The following RAP1GAP2 variants were observed in gnomAD, a reference collection of about 807,000 sequenced individuals.
RAP1GAP2 encodes the protein rap1 GTPase-activating protein 2.
A neutral mutation model predicts 95.0 loss-of-function variants in RAP1GAP2; 27 were observed. The observed-to-expected ratio is 0.28, with a 90% CI of 0.21 to 0.39. The LOEUF (loss-of-function observed/expected upper bound fraction) is 0.39, where lower values mean the gene tolerates loss of function less well. RAP1GAP2 is among the 10% of genes least tolerant of loss of function. The probability of loss-of-function intolerance (pLI) is 1.00; values close to 1 mark genes in which losing one functional copy is unlikely to be tolerated. For synonymous variants in RAP1GAP2, 373 were observed against 380.9 expected (o/e 0.98, Z 0.24); for missense variants, 771 against 970.0 (o/e 0.79, Z 2.72).
In RAP1GAP2 at chr17:2,999,399, A is replaced by G. The variant is rs566253295; in HGVS notation, c.1200+1023A>G. Among the ~76,000 whole-genome samples, 3 of 152,314 alleles carry G rather than the reference A, an allele frequency of 2.0e-5. No individual in the cohort carries two copies. In the East Asian group the frequency reaches 5.8e-4, roughly 29 times the overall value. On this transcript the variant is annotated intron_variant, in intron 14 of 24. Coordinates refer to ENST00000254695, the MANE Select transcript of RAP1GAP2 (RefSeq NM_015085.5). ...ATGCTGAATTTGTGCCTTTCCTTGG[A>G]TTCCTGAAAAGAGAGGCCATACCTT...
At chr17:3,026,545 G>A (rs1350407201) in intron 21 of RAP1GAP2, 81 bp downstream of exon 21, 1 of 1,150,396 alleles carries the variant, frequency 8.7e-7, no homozygotes, top group Non-Finnish European at 1.2e-6. Context: ...CGGCACTGTG[G>A]ATCGAAGCCC....
chr17:2,843,061 G>C (rs1352070345), intron 2 of RAP1GAP2, among the ~76,000 whole-genome samples: 1 of 152,088 alleles, frequency 6.6e-6, no homozygotes, highest in Non-Finnish European at 1.5e-5. Context: ...ACATTCCACC[G>C]GGGGCTGGTG....
chr17:3,026,193 C>A, intron 20 of RAP1GAP2, 72 bp downstream of exon 20: 1 of 1,374,548 alleles, frequency 7.3e-7, no homozygotes, highest in Non-Finnish European at 1.0e-6. Flanking sequence ...TGCCTCCTGG[C>A]CAGCTGAGAG....
At chr17:2,763,303 A>C (rs2068217252) in intron 1 of RAP1GAP2, among the ~76,000 whole-genome samples, 1 of 152,068 alleles carries the variant, frequency 6.6e-6, no homozygotes, top group Non-Finnish European at 1.5e-5. Flanking sequence ...TGTTGTGGGG[A>C]TTTCAGAGAT....
rs533709902 is a variant in RAP1GAP2, at chr17:2,828,273, G to A, written c.80+27723G>A. Among the ~76,000 whole-genome samples, 53 of 152,152 alleles carry A rather than the reference G, an allele frequency of 3.5e-4. No individual in the cohort carries two copies. The South Asian group carries it at 4.8e-3, about 14-fold the overall frequency. Reference sequence around the variant, plus strand: ...GGAGAATCGCTTGAACCTGGGAGGCGGAGGTTGCAGTGAGCCGAGATCGCG... The same window carrying A: ...GGAGAATCGCTTGAACCTGGGAGGCAGAGGTTGCAGTGAGCCGAGATCGCG... On this transcript the variant is annotated intron_variant, in intron 2 of 24. Coordinates refer to ENST00000254695, the MANE Select transcript of RAP1GAP2 (RefSeq NM_015085.5).
intron 17 of RAP1GAP2, among the ~76,000 whole-genome samples, chr17:3,010,841 C>T (rs947760205): frequency 1.5e-4 from 23 of 152,116 alleles, no homozygotes; most frequent in African/African-American, 5.1e-4. Flanking sequence ...GAGGTAGCAC[C>T]GTGGGGCGTG....
intron 2 of RAP1GAP2, among the ~76,000 whole-genome samples, chr17:2,880,542 G>C (rs2073246857): frequency 6.7e-6 from 1 of 150,042 alleles, no homozygotes; most frequent in Admixed American, 6.7e-5. Context: ...GTGGCATCAA[G>C]TCCTGTTCAC....
At chr17:2,844,010 T>G (rs1348431183) in intron 2 of RAP1GAP2, among the ~76,000 whole-genome samples, 1 of 151,862 alleles carries the variant, frequency 6.6e-6, no homozygotes. Context: ...GCGCTTTTTT[T>G]TATTTTTATT....
rs1035196532 is a variant in RAP1GAP2, at chr17:2,963,624, T to G, written c.279+162T>G. On this transcript the variant is annotated intron_variant, in intron 6 of 24. Coordinates refer to ENST00000254695, the MANE Select transcript of RAP1GAP2 (RefSeq NM_015085.5). This position sits in a 1 kb window ranked among gnomAD's most constrained non-coding sequence, Gnocchi z 4.8. ...CCTTTGTAACCTCAGCTTCTCCATGTGTTAAGTTGGGGGTGCTCATCTAGG... is the reference window on the plus strand; with the variant it reads ...CCTTTGTAACCTCAGCTTCTCCATGGGTTAAGTTGGGGGTGCTCATCTAGG... Among the ~76,000 whole-genome samples, 2 of 152,106 alleles carry G rather than the reference T, an allele frequency of 1.3e-5. No homozygotes were observed. Among genetic ancestry groups the G allele is most frequent in the African/African-American group, 4.8e-5 (2 of 41,414 alleles).
intron 2 of RAP1GAP2, among the ~76,000 whole-genome samples, chr17:2,865,373 C>A (rs769524312): frequency 1.3e-5 from 2 of 152,090 alleles, no homozygotes; most frequent in Admixed American, 6.6e-5. Context: ...GAATGCTTAG[C>A]CTGAGCTAAG....
At chr17:2,896,188 C>T (rs764085961) in intron 2 of RAP1GAP2, among the ~76,000 whole-genome samples, 17 of 152,254 alleles carry the variant, frequency 1.1e-4, no homozygotes, top group African/African-American at 3.1e-4. Context: ...GTTTGGCACT[C>T]GGGTCTTTCA....
At chr17:2,897,950 T>C (rs1180093300) in intron 2 of RAP1GAP2, among the ~76,000 whole-genome samples, 1 of 149,690 alleles carries the variant, frequency 6.7e-6, no homozygotes, top group Non-Finnish European at 1.5e-5. Flanking sequence ...AGACAGGGTC[T>C]CGCTCTGTCC....
rs182912550 is a variant in RAP1GAP2, at chr17:2,892,132, T to C, written c.81-13152T>C. 2.5e-3 allele frequency among the ~76,000 whole-genome samples: 384 copies of C among 152,178 alleles called. 2 individuals are homozygous for C. The highest frequency in any genetic ancestry group is 4.0e-3 in the Admixed American group (61 of 15,274). ...AGCCACCGCACCCGGCCCAGATTCCTATTTCTCTGTATATGGTATGTATTT... is the reference window on the plus strand; with the variant it reads ...AGCCACCGCACCCGGCCCAGATTCCCATTTCTCTGTATATGGTATGTATTT... On this transcript the variant is annotated intron_variant, in intron 2 of 24. Coordinates refer to ENST00000254695, the MANE Select transcript of RAP1GAP2 (RefSeq NM_015085.5).
chr17:2,964,196 G>A, intron 7 of RAP1GAP2, 128 bp downstream of exon 7: 1 of 840,182 alleles, frequency 1.2e-6, no homozygotes, highest in Non-Finnish European at 1.8e-6. Context: ...TGGGAGAGGA[G>A]CTGCCAGGGG....
At chr17:2,836,289 A>G (rs995417286) in intron 2 of RAP1GAP2, among the ~76,000 whole-genome samples, 4 of 152,074 alleles carry the variant, frequency 2.6e-5, no homozygotes, top group East Asian at 1.9e-4. Context: ...AAAAGAAACC[A>G]AAAGGAAAAA....
At chr17:2,930,875 G>A (rs371993412) in intron 3 of RAP1GAP2, among the ~76,000 whole-genome samples, 220 of 152,340 alleles carry the variant, frequency 1.4e-3, no homozygotes, top group South Asian at 0.01. Context: ...TGTAATCCCA[G>A]CACTTTGGGA....
chr17:2,920,012 T>G (rs1352039218), intron 3 of RAP1GAP2, among the ~76,000 whole-genome samples: 1 of 108,610 alleles, frequency 9.2e-6, no homozygotes, highest in African/African-American at 6.1e-5. Context: ...CCTTTTTTCT[T>G]TTTTTTTTTT....
chr17:2,887,748 C>T (rs1214510890), intron 2 of RAP1GAP2, among the ~76,000 whole-genome samples: 2 of 150,918 alleles, frequency 1.3e-5, no homozygotes, highest in Middle Eastern at 3.4e-3. Context: ...AATCTCAGCT[C>T]ACTGCAACCT....
At chr17:2,826,916 G>A (rs895531199) in intron 2 of RAP1GAP2, among the ~76,000 whole-genome samples, 2 of 152,200 alleles carry the variant, frequency 1.3e-5, no homozygotes, top group Non-Finnish European at 2.9e-5. Flanking sequence ...TGAGACAAGA[G>A]AATCGCTTGA....
Sources: gnomAD v4.1 joint callset for allele counts (sites outside exome capture counted in the v4.1 genomes callset) on GRCh38, gnomAD v4.1.1 for gene constraint, Gnocchi (gnomAD v3.1) non-coding constraint, MANE v1.5 for transcripts, NCBI Gene and HGNC (gene_info 2026-07-23, HGNC 2026-07-21) for gene names.